CACNA2D1: variants seen among roughly 807,000 people sequenced by gnomAD.
The protein encoded by CACNA2D1 is voltage-dependent calcium channel subunit alpha-2/delta-1.
In CACNA2D1, 53 loss-of-function variants were observed where a neutral mutation model predicts 171.5. The observed-to-expected ratio is 0.31, with a 90% confidence interval of 0.25 to 0.39. CACNA2D1 has a LOEUF of 0.39. Ranked by LOEUF, CACNA2D1 falls within the 10% of genes least tolerant of loss-of-function variation. The probability of loss-of-function intolerance (pLI) is 1.00; values close to 1 mark genes in which losing one functional copy is unlikely to be tolerated. For missense variants in CACNA2D1, 903 were observed against 1,299.8 expected, an observed-to-expected ratio of 0.69 and a Z score of 4.69; for synonymous variants, 442 against 443.1, an observed-to-expected ratio of 1.00 and a Z score of 0.03.
chr7:82,382,404 G>C (rs1202362542), intron 1 of CACNA2D1, among the ~76,000 whole-genome samples: 1 of 152,184 alleles, frequency 6.6e-6, no homozygotes, highest in African/African-American at 2.4e-5. Context: ...TCCCAGATTA[G>C]TTTGTGACTT....
intron 7 of CACNA2D1, among the ~76,000 whole-genome samples, chr7:82,083,590 T>C (rs932943348): frequency 6.6e-6 from 1 of 152,136 alleles, no homozygotes; most frequent in Non-Finnish European, 1.5e-5. Flanking sequence ...CTATGTAATA[T>C]ATTCCCATCA....
At chr7:82,335,607 G>A (rs538894612) in intron 2 of CACNA2D1, among the ~76,000 whole-genome samples, 30 of 152,226 alleles carry the variant, frequency 2.0e-4, no homozygotes, top group Non-Finnish European at 3.8e-4. Context: ...AACAGAAGGC[G>A]AAATGGAGCA....
At chr7:82,274,837 G>A (rs1366852399) in intron 3 of CACNA2D1, among the ~76,000 whole-genome samples, 2 of 146,746 alleles carry the variant, frequency 1.4e-5, no homozygotes, top group African/African-American at 5.2e-5. Flanking sequence ...AGATAAATAT[G>A]TGTTCAATAC....
chr7:82,214,024 T>C (rs1176044224), intron 3 of CACNA2D1, among the ~76,000 whole-genome samples: 1 of 152,140 alleles, frequency 6.6e-6, no homozygotes, highest in East Asian at 1.9e-4. Flanking sequence ...TCCTGCTGTG[T>C]CCCCACATGG....
chr7:82,115,405 A>C (rs1219660430), intron 6 of CACNA2D1, among the ~76,000 whole-genome samples: 1 of 152,168 alleles, frequency 6.6e-6, no homozygotes, highest in African/African-American at 2.4e-5. Context: ...CAAAGAAAAA[A>C]TATTAATATA....
intron 3 of CACNA2D1, among the ~76,000 whole-genome samples, chr7:82,194,869 G>A (rs1407988656): frequency 6.6e-6 from 1 of 151,788 alleles, no homozygotes; most frequent in African/African-American, 2.4e-5. Flanking sequence ...AAGCAGTATT[G>A]TACTTTCACA....
intron 1 of CACNA2D1, among the ~76,000 whole-genome samples, chr7:82,413,597 A>T (rs1827892183): frequency 1.3e-5 from 2 of 152,264 alleles, no homozygotes; most frequent in Admixed American, 1.3e-4. Flanking sequence ...AAACAGCTCC[A>T]TTATAAACAA....
chr7:82,057,732 G>C (rs934604621), intron 10 of CACNA2D1, among the ~76,000 whole-genome samples: 2 of 152,076 alleles, frequency 1.3e-5, no homozygotes, highest in Non-Finnish European at 2.9e-5. Flanking sequence ...CATTTGAATG[G>C]GCACAGAAAC....
In CACNA2D1 at chr7:82,283,994, C is replaced by T. The variant is rs77266970; in HGVS notation, c.294+51141G>A. Reference sequence around the variant, plus strand: ...CATAAATTAAAAGAAAAGGAAACAGCTCAAGTTAGAGATGGTCTGTTTAAG... The same window carrying T: ...CATAAATTAAAAGAAAAGGAAACAGTTCAAGTTAGAGATGGTCTGTTTAAG... On this transcript the variant is annotated intron_variant, in intron 3 of 38. Transcript: ENST00000356860. Among the ~76,000 whole-genome samples, 1,188 of 151,842 alleles carry T rather than the reference C, an allele frequency of 7.8e-3. 15 individuals carry two copies. In the East Asian group the frequency reaches 0.079, roughly 10 times the overall value.
intron 3 of CACNA2D1, among the ~76,000 whole-genome samples, chr7:82,235,467 A>G (rs1016897102): frequency 6.6e-6 from 1 of 152,148 alleles, no homozygotes; most frequent in African/African-American, 2.4e-5. Context: ...TTATGAATTC[A>G]CACTATATCC....
intron 6 of CACNA2D1, among the ~76,000 whole-genome samples, chr7:82,114,187 T>G (rs1788760092): frequency 6.6e-6 from 1 of 152,158 alleles, no homozygotes; most frequent in Admixed American, 6.5e-5. Flanking sequence ...TATGTAAACA[T>G]TTTTAAAAAA....
intron 1 of CACNA2D1, among the ~76,000 whole-genome samples, chr7:82,400,827 A>G (rs1826312663): frequency 6.6e-6 from 1 of 151,536 alleles, no homozygotes; most frequent in African/African-American, 2.4e-5. Flanking sequence ...GCTAATATCC[A>G]GAATCTACAA....
intron 32 of CACNA2D1, among the ~76,000 whole-genome samples, chr7:81,965,279 A>G (rs1217070179): frequency 6.6e-6 from 1 of 151,938 alleles, no homozygotes; most frequent in African/African-American, 2.4e-5. Context: ...TATATATTAA[A>G]TTAGATACCA....
At chr7:82,198,934 A>G (rs901149859) in intron 3 of CACNA2D1, among the ~76,000 whole-genome samples, 6 of 152,132 alleles carry the variant, frequency 3.9e-5, no homozygotes, top group Non-Finnish European at 5.9e-5. Context: ...AATGCTCCAT[A>G]TTGGGGTTAT....
chr7:82,394,553 G>C (rs1825572806), intron 1 of CACNA2D1, among the ~76,000 whole-genome samples: 1 of 152,140 alleles, frequency 6.6e-6, no homozygotes. Context: ...CATTTTTTGA[G>C]AGTTGTACCT....
intron 1 of CACNA2D1, among the ~76,000 whole-genome samples, chr7:82,353,346 A>G (rs992585098): frequency 6.6e-6 from 1 of 152,162 alleles, no homozygotes; most frequent in African/African-American, 2.4e-5. Context: ...ATTGTGGTAT[A>G]GAAAGTAAGT....
At chr7:82,163,208 C>T (rs556491795) in intron 4 of CACNA2D1, among the ~76,000 whole-genome samples, 1 of 152,116 alleles carries the variant, frequency 6.6e-6, no homozygotes, top group African/African-American at 2.4e-5. Context: ...AGAAATACAT[C>T]TGAAGGGAGA....
intron 3 of CACNA2D1, among the ~76,000 whole-genome samples, chr7:82,196,724 T>C (rs1353709198): frequency 6.6e-6 from 1 of 151,860 alleles, no homozygotes; most frequent in Non-Finnish European, 1.5e-5. Context: ...TAGACTCCGA[T>C]TTATATTTGT....
Position 81,973,655 on chromosome 7 carries a change from T to C in CACNA2D1, c.2053+800A>G, listed in dbSNP as rs1308458322. Among the ~76,000 whole-genome samples the C allele has an allele frequency of 2.6e-5, 4 of 152,070 alleles. No homozygotes were observed. The East Asian group carries it at 7.7e-4, about 29-fold the overall frequency. On this transcript the variant is annotated intron_variant, in intron 25 of 38. Coordinates refer to ENST00000356860, the MANE Select transcript of CACNA2D1 (RefSeq NM_000722.4). ...AAAAAAGTCAATTATGTGTACTTATTCTTTTTTCAAATTTTATTTATGAAG... is the reference window on the plus strand; with the variant it reads ...AAAAAAGTCAATTATGTGTACTTATCCTTTTTTCAAATTTTATTTATGAAG...
Sources: gnomAD v4.1 joint callset for allele counts (sites outside exome capture counted in the v4.1 genomes callset) on GRCh38, gnomAD v4.1.1 for gene constraint, MANE v1.5 for transcripts, NCBI Gene and HGNC (gene_info 2026-07-23, HGNC 2026-07-21) for gene names.